EDNRB: variants seen among roughly 807,000 people sequenced by gnomAD.
EDNRB encodes the protein Hirschsprung disease 2.
In EDNRB, 18 loss-of-function variants were observed where a neutral mutation model predicts 46.4. That is an observed-to-expected ratio of 0.39 (90% CI 0.27 to 0.57). EDNRB has a LOEUF of 0.57. Ranked by LOEUF, EDNRB falls within the 20% of genes least tolerant of loss-of-function variation. EDNRB has a pLI of 0.61. For missense variants in EDNRB, 434 were observed against 537.5 expected, an observed-to-expected ratio of 0.81 and a Z score of 1.90; for synonymous variants, 213 against 204.9, an observed-to-expected ratio of 1.04 and a Z score of -0.34.
intron 1 of EDNRB, among the ~76,000 whole-genome samples, chr13:77,956,070 G>C (rs889770301): frequency 6.6e-6 from 1 of 152,048 alleles, no homozygotes; most frequent in South Asian, 2.1e-4. Flanking sequence ...GAATACCATT[G>C]GGATTTTGAC....
At chr13:77,948,668 G>A (rs1345213348) in intron 1 of EDNRB, among the ~76,000 whole-genome samples, 2 of 152,110 alleles carry the variant, frequency 1.3e-5, no homozygotes, top group African/African-American at 4.8e-5. Flanking sequence ...AATAGCTATT[G>A]TACTCACATG....
intron 1 of EDNRB, among the ~76,000 whole-genome samples, chr13:77,938,934 T>C (rs186591766): frequency 8.7e-4 from 133 of 152,294 alleles, no homozygotes; most frequent in African/African-American, 3.2e-3. Flanking sequence ...GACAGGGGAT[T>C]GATCTCCCAA....
chr13:77,950,558 C>T (rs1881062890), intron 1 of EDNRB, among the ~76,000 whole-genome samples: 1 of 152,194 alleles, frequency 6.6e-6, no homozygotes, highest in African/African-American at 2.4e-5. Context: ...TAAAGAATCA[C>T]CTAGTATGTC....
chr13:77,924,046 A>C (rs957745302), upstream of EDNRB, among the ~76,000 whole-genome samples: 1 of 152,200 alleles, frequency 6.6e-6, no homozygotes, highest in Admixed American at 6.5e-5. Context: ...GAATAGAACT[A>C]TTTGTATGAA....
At chr13:77,967,240 A>AT (rs1245639206) in intron 1 of EDNRB, among the ~76,000 whole-genome samples, 2 of 152,182 alleles carry the variant, frequency 1.3e-5, no homozygotes, top group Admixed American at 1.3e-4. Context: ...TCAACCCTAC[A>AT]TCCCCAACCT....
chr13:77,918,057 C>G lies in EDNRB; in HGVS notation c.483+34G>C. 1 of 1,613,476 alleles carries G rather than the reference C, an allele frequency of 6.2e-7. No individual in the cohort carries two copies. Among genetic ancestry groups the G allele is most frequent in the Non-Finnish European group, 8.5e-7 (1 of 1,180,026 alleles). On this transcript the variant is annotated intron_variant, in intron 1 of 6. Transcript: ENST00000646607. The surrounding 1 kb of genome is among the most constrained non-coding windows in gnomAD (Gnocchi z 4.5). ...CCGTCTCCAACCAGGCCCCCTTCCT[C>G]AAGCCCACCATGATTTCAGCAGGCG... is the stretch of plus-strand genomic sequence containing the variant.
chr13:77,954,055 T>C (rs896705018), intron 1 of EDNRB, among the ~76,000 whole-genome samples: 4 of 152,196 alleles, frequency 2.6e-5, no homozygotes, highest in African/African-American at 9.7e-5. Context: ...ATCTATATCC[T>C]TATCTACTTC....
chr13:77,908,839 C>A (rs963796685), intron 1 of EDNRB, among the ~76,000 whole-genome samples: 1 of 151,964 alleles, frequency 6.6e-6, no homozygotes, highest in African/African-American at 2.4e-5. Context: ...GTCGCTTCCA[C>A]ATAAATTAAA....
chr13:77,944,888 T>G (rs1024422134), intron 1 of EDNRB: 3 of 152,102 alleles, frequency 2.0e-5, no homozygotes, highest in Admixed American at 6.6e-5. Context: ...CAAATAGACA[T>G]GGGAGAAAAG....
intron 1 of EDNRB, among the ~76,000 whole-genome samples, chr13:77,917,639 C>T (rs1447645081): frequency 6.6e-6 from 1 of 152,180 alleles, no homozygotes; most frequent in Non-Finnish European, 1.5e-5. Context: ...GGATGTACCC[C>T]ATTAGGTGCA....
At chr13:77,966,243 G>A (rs577179389) in intron 1 of EDNRB, among the ~76,000 whole-genome samples, 194 of 152,192 alleles carry the variant, frequency 1.3e-3, no homozygotes, top group Admixed American at 2.6e-3. Context: ...CAGGAAGCAA[G>A]GGTCATACAC....
intron 1 of EDNRB, among the ~76,000 whole-genome samples, chr13:77,907,735 T>C (rs887909556): frequency 1.3e-5 from 2 of 151,834 alleles, no homozygotes; most frequent in African/African-American, 4.8e-5. Flanking sequence ...GTCCAGACCA[T>C]TGAAGGGAAA....
At chr13:77,919,488 G>C (rs578207213), upstream of EDNRB, 17 of 1,612,846 alleles carry the variant, frequency 1.1e-5, no homozygotes, top group East Asian at 1.8e-4. Context: ...TGCTCTGGGA[G>C]AGGAGCACGC....
At chr13:77,934,629 A>C (rs962757514) in intron 1 of EDNRB, among the ~76,000 whole-genome samples, 2 of 145,428 alleles carry the variant, frequency 1.4e-5, no homozygotes, top group Non-Finnish European at 3.0e-5. Context: ...TAGTAAAGTC[A>C]ATTTGCCAGT....
In EDNRB at chr13:77,895,638, T is replaced by C. The variant is rs1020726520; in HGVS notation, c.*2562A>G. 6.6e-6 allele frequency: 1 copy of C among 152,066 alleles called. No homozygotes were observed. The highest frequency in any genetic ancestry group is 2.4e-5 in the African/African-American group (1 of 41,442). The allele number at this position is 152,066 out of a possible 1,614,324, so 9.4% of individuals were successfully genotyped here. ...AGTGTCTGTACAGTGAAAAATAAGG[T>C]AGTTGTTAAAAAAACTTAAATTTTT... On this transcript the variant is annotated 3_prime_UTR_variant, in exon 7 of 7. Transcript: ENST00000646607.
At chr13:77,956,405 G>A (rs183315261) in intron 1 of EDNRB, among the ~76,000 whole-genome samples, 18 of 151,916 alleles carry the variant, frequency 1.2e-4, no homozygotes, top group East Asian at 1.2e-3. Context: ...GCATCCCATC[G>A]CTTTTTTTGT....
chr13:77,916,555 C>G (rs1195723450), intron 1 of EDNRB, among the ~76,000 whole-genome samples: 1 of 152,192 alleles, frequency 6.6e-6, no homozygotes, highest in Non-Finnish European at 1.5e-5. Flanking sequence ...CTAATCCACT[C>G]TCACCGCTAA....
chr13:77,929,138 A>G (rs1880317722), intron 1 of EDNRB, among the ~76,000 whole-genome samples: 1 of 152,204 alleles, frequency 6.6e-6, no homozygotes, highest in Non-Finnish European at 1.5e-5. Context: ...GTGACTGACA[A>G]CAGAAATAAT....
chr13:77,906,646 C>T (rs1371240375), intron 1 of EDNRB, among the ~76,000 whole-genome samples: 5 of 151,960 alleles, frequency 3.3e-5, no homozygotes, highest in Non-Finnish European at 7.4e-5. Context: ...ACTAATTTGC[C>T]ACGTCTGTGA....
Sources: allele counts gnomAD v4.1 joint callset (sites outside exome capture counted in the v4.1 genomes callset), GRCh38; gene constraint gnomAD v4.1.1; non-coding constraint Gnocchi (gnomAD v3.1); transcripts MANE v1.5; gene names NCBI Gene and HGNC (gene_info 2026-07-23, HGNC 2026-07-21).